SNAPC4: variants seen among roughly 807,000 people sequenced by gnomAD.
The protein encoded by SNAPC4 is snRNA-activating protein complex subunit 4.
In SNAPC4, 127 loss-of-function variants were observed where a neutral mutation model predicts 151.3. That is an observed-to-expected ratio of 0.84 (90% CI 0.73 to 0.97). The LOEUF is 0.97. Ranked by LOEUF, SNAPC4 falls within the 50% of genes least tolerant of loss-of-function variation. The pLI is 0.00. For synonymous variants in SNAPC4, 1,002 were observed against 824.4 expected, an observed-to-expected ratio of 1.22 and a Z score of -3.69; for missense variants, 2,186 against 1,935.0, an observed-to-expected ratio of 1.13 and a Z score of -2.43.
At position 136,387,270 on chromosome 9, in the gene SNAPC4, AG is replaced by A. The variant is rs767643737; in HGVS notation, c.1325+214del. Among the ~76,000 whole-genome samples the A allele has an allele frequency of 2.3e-3, 353 of 152,332 alleles. 2 individuals carry two copies. Among genetic ancestry groups the A allele is most frequent in the Non-Finnish European group, 4.0e-3 (269 of 68,028 alleles). On this transcript the variant is annotated intron_variant, in intron 13 of 23. Coordinates refer to ENST00000684778, the MANE Select transcript of SNAPC4 (RefSeq NM_003086.4). ...GCGTTGCTCCGGCAGACAGCAATAC[AG>A]AAGTCAGGCTTGGAAAACACAGCTC...
At chr9:136,399,308 G>T (rs777258547) in intron 1 of SNAPC4, among the ~76,000 whole-genome samples, 2 of 152,198 alleles carry the variant, frequency 1.3e-5, no homozygotes, top group South Asian at 2.1e-4. Flanking sequence ...ACCGTTAGCC[G>T]CATCAGCAGC....
rs1259297131 is a variant in SNAPC4 at position 136,375,809 on chromosome 9, C to T, written c.*8-9G>A. ...CTGAGAAAGTGCTTGTCCTGGAACA[C>T]AGGAACACCAGGTGGGGGGTGCCCT... On this transcript the variant is annotated splice_polypyrimidine_tract_variant and intron_variant, in intron 23 of 23. Transcript: ENST00000684778. 3.9e-5 allele frequency: 6 copies of T among 151,964 alleles called. No individual in the cohort carries two copies. Among genetic ancestry groups the T allele is most frequent in the African/African-American group, 1.5e-4 (6 of 41,282 alleles). The allele number at this position is 151,964 out of a possible 1,614,324, so 9.4% of individuals were successfully genotyped here.
Position 136,394,273 on chromosome 9 carries a change from C to T in SNAPC4, c.608G>A (p.Arg203Gln), listed in dbSNP as rs148417699. Residue 203 changes from arginine to glutamine, a missense_variant, in exon 7 of 24, where the codon CGA (arginine) becomes CAA (glutamine). Coordinates refer to ENST00000684778, the MANE Select transcript of SNAPC4 (RefSeq NM_003086.4). ...RKSVVSDRLQ[R>Q]LLQPKLLKLE... ...CTTCAGTAACTTGGGCTGAAGCAAT[C>T]GCTGCAGGCGGTCACTCACCACTGA... is the stretch of plus-strand genomic sequence containing the variant. The T allele has an allele frequency of 3.8e-5, 62 of 1,613,846 alleles. No homozygotes were observed. The highest frequency in any genetic ancestry group is 5.2e-5 in the Non-Finnish European group (61 of 1,179,874).
chr9:136,394,471 C>A, intron 6 of SNAPC4, 141 bp from the exon 7 acceptor site: 2 of 748,218 alleles, frequency 2.7e-6, no homozygotes, highest in South Asian at 2.9e-5. Flanking sequence ...TGACGTGGCC[C>A]CTCCACCCAG....
chr9:136,392,864 T>A, intron 7 of SNAPC4, 87 bp from the exon 8 acceptor site: 1 of 1,089,794 alleles, frequency 9.2e-7, no homozygotes, highest in Non-Finnish European at 1.4e-6. Flanking sequence ...GCAAGGAGTG[T>A]GAGCTCAGCA....
At chr9:136,390,554 G>GAAAAAA (rs58732608) in intron 10 of SNAPC4, among the ~76,000 whole-genome samples, 2 of 48,796 alleles carry the variant, frequency 4.1e-5, no homozygotes, top group African/African-American at 8.7e-5. Context: ...GACTCTGTTT[G>GAAAAAA]AAAAAAAAAA....
rs1200705091 is a variant in SNAPC4 at position 136,391,989 on chromosome 9, C to A, written c.928G>T (p.Ala310Ser). Residue 310 changes from alanine to serine, a missense_variant, in exon 10 of 24, where the codon GCT becomes TCT. Coordinates refer to ENST00000684778, the MANE Select transcript of SNAPC4 (RefSeq NM_003086.4). ...TGCCACTCCAGGTGGCCGTGTGCAG[C>A]CGCGATCGCCTGCAGCCGCTCCTCC... Reference protein sequence around the residue: ...EEEERLQAIAAAHGHLEWQKI... With the variant: ...EEEERLQAIASAHGHLEWQKI... The A allele has an allele frequency of 6.2e-7, 1 of 1,608,788 alleles. No individual in the cohort carries two copies. The highest frequency in any genetic ancestry group is 8.5e-7 in the Non-Finnish European group (1 of 1,179,978).
intron 3 of SNAPC4, 71 bp downstream of exon 3, chr9:136,396,906 C>T (rs564971854): frequency 9.7e-6 from 12 of 1,235,404 alleles, no homozygotes; most frequent in Middle Eastern, 1.9e-4. Flanking sequence ...AACCACGCCC[C>T]CTCCCAGGCT....
chr9:136,394,666 G>C, intron 6 of SNAPC4, 134 bp downstream of exon 6: 1 of 764,676 alleles, frequency 1.3e-6, no homozygotes, highest in Non-Finnish European at 2.2e-6. Flanking sequence ...GCCAGTCCCA[G>C]TGGTCAAGGC....
At chr9:136,390,748 A>C (rs1329675976) in intron 10 of SNAPC4, among the ~76,000 whole-genome samples, 1 of 152,016 alleles carries the variant, frequency 6.6e-6, no homozygotes, top group Non-Finnish European at 1.5e-5. Flanking sequence ...AGAAAAAAAG[A>C]AAGCAGACCC....
rs760081934 is a variant in SNAPC4 at position 136,376,423 on chromosome 9, G to A, written c.4343C>T (p.Pro1448Leu). The A allele has an allele frequency of 4.3e-6, 7 of 1,613,564 alleles. No individual in the cohort carries two copies. The Admixed American group carries it at 1.2e-4, about 27-fold the overall frequency. The change falls in exon 23 of 24, where the codon CCT (proline) becomes CTT (leucine). Residue 1448 changes from proline (P) to leucine (L), a missense_variant. Coordinates refer to ENST00000684778, the MANE Select transcript of SNAPC4 (RefSeq NM_003086.4). ...GGTTCTGAGCACGTCCAGGTCGTCA[G>A]GGTCATTAGAAGTATCCAGGCAGGA... ...ASSCLDTSND[P>L]DDLDVLRTRH...
chr9:136,396,992 G>C lies in SNAPC4; in HGVS notation c.162C>G (p.Ala54=). Reference sequence around the variant, plus strand: ...CAACAGTTACCGAGATCGGGGGATCGGCAGGATCCAAGTCCTCAGAAGGCA... The same window carrying C: ...CAACAGTTACCGAGATCGGGGGATCCGCAGGATCCAAGTCCTCAGAAGGCA... ...DSLPSEDLDP[A]DPPISEEERW... is the part of the protein sequence containing the mutation. Residue 54 remains alanine, a synonymous_variant, in exon 3 of 24, where the codon GCC becomes GCG. Coordinates refer to ENST00000684778, the MANE Select transcript of SNAPC4 (RefSeq NM_003086.4). 6.2e-7 allele frequency: 1 copy of C among 1,612,852 alleles called. No individual in the cohort carries two copies. The highest frequency in any genetic ancestry group is 8.5e-7 in the Non-Finnish European group (1 of 1,179,852).
rs1833583216 is a variant in SNAPC4 at position 136,378,971 on chromosome 9, G to A, written c.2856C>T (p.Leu952=). ...CTGCCGCGGGGGCCCCAGGCCCAGAGAGCGGTACATTTAAGACGGTGGGAC... is the reference window on the plus strand; with the variant it reads ...CTGCCGCGGGGGCCCCAGGCCCAGAAAGCGGTACATTTAAGACGGTGGGAC... The part of the protein sequence containing the change: ...APGPTVLNVP[L]SGPGAPAAAK... The change falls in exon 22 of 24, where the codon CTC becomes CTT. Residue 952 remains leucine, a synonymous_variant. Coordinates refer to ENST00000684778, the MANE Select transcript of SNAPC4 (RefSeq NM_003086.4). The A allele has an allele frequency of 1.9e-6, 3 of 1,608,940 alleles. No homozygotes were observed. Among genetic ancestry groups the A allele is most frequent in the Non-Finnish European group, 2.5e-6 (3 of 1,178,706 alleles).
At chr9:136,390,840 ATTT>A (rs1440309507) in intron 10 of SNAPC4, among the ~76,000 whole-genome samples, 1 of 145,472 alleles carries the variant, frequency 6.9e-6, no homozygotes, top group African/African-American at 2.5e-5. Context: ...TTATTTATTT[ATTT>A]TTTTTTTTTT....
At position 136,378,797 on chromosome 9, in the gene SNAPC4, G is replaced by A. The variant is rs925620148; in HGVS notation, c.3030C>T (p.Gly1010=). Residue 1010 remains glycine (G), a synonymous_variant, in exon 22 of 24, where the codon GGC becomes GGT. Coordinates refer to ENST00000684778, the MANE Select transcript of SNAPC4 (RefSeq NM_003086.4). ...APAASQAPAL[G]PGQISVSCPE... The stretch of plus-strand genomic sequence containing the variant: ...GGCAGCTCACAGAGATCTGGCCGGG[G>A]CCCAGGGCAGGGGCTTGGGAAGCAG... 5 of 1,573,788 alleles carry A rather than the reference G, an allele frequency of 3.2e-6. No homozygotes were observed. The highest frequency in any genetic ancestry group is 3.4e-6 in the Non-Finnish European group (4 of 1,159,598).
intron 19 of SNAPC4, 81 bp from the exon 20 acceptor site, chr9:136,380,931 G>C (rs1833667060): frequency 1.2e-6 from 1 of 823,830 alleles, no homozygotes; most frequent in Admixed American, 2.1e-5. Flanking sequence ...CAGAACCTGG[G>C]GCAGCCCTGA....
intron 10 of SNAPC4, 152 bp downstream of exon 10, chr9:136,391,790 C>T (rs1011626851): frequency 4.9e-6 from 4 of 819,724 alleles, no homozygotes; most frequent in Admixed American, 5.7e-5. Flanking sequence ...TGGGCAGGCT[C>T]CTTCCCTAGG....
In SNAPC4 at chr9:136,378,644, C is replaced by T. The variant is rs921232106; in HGVS notation, c.3183G>A (p.Thr1061=). The change falls in exon 22 of 24, where the codon ACG becomes ACA. Residue 1061 remains threonine, a synonymous_variant. Transcript: ENST00000684778. ...TCGCCACATGTGGCCCTCCTATGTG[C>T]GTCAGGCTGAGGGGCTGGACGGGCA... ...TPLPVQPLSL[T]HIGGPHVATS... The T allele has an allele frequency of 7.8e-6, 12 of 1,531,914 alleles. No individual in the cohort carries two copies. The highest frequency in any genetic ancestry group is 4.7e-5 in the East Asian group (2 of 42,474). The allele number at this position is 1,531,914 out of a possible 1,614,324, so 94.9% of individuals were successfully genotyped here. A position where few individuals can be genotyped will look rare whatever the true frequency, so the allele number is the denominator to read the frequency against.
At position 136,395,737 on chromosome 9, in the gene SNAPC4, C is replaced by A. The variant is rs750947704; in HGVS notation, c.211G>T (p.Glu71Ter). The change falls in exon 4 of 24, where the codon GAG becomes TAG. Residue 71 changes from glutamate to a stop codon, truncating the protein, a stop_gained. Coordinates refer to ENST00000684778, the MANE Select transcript of SNAPC4 (RefSeq NM_003086.4). LOFTEE classifies it high-confidence loss of function. ...AGGGTTTTATCCTTGGGATCGTCCT[C>A]GTCATTGCTGGCTTCGCCCCACCTT... ...EERWGEASND[E>*]DDPKDKTLPE... The A allele has an allele frequency of 6.2e-7, 1 of 1,613,248 alleles. No individual in the cohort carries two copies. Among genetic ancestry groups the A allele is most frequent in the Non-Finnish European group, 8.5e-7 (1 of 1,179,840 alleles).
Sources: gnomAD v4.1 joint callset for allele counts (sites outside exome capture counted in the v4.1 genomes callset) on GRCh38, gnomAD v4.1.1 for gene constraint, MANE v1.5 for transcripts, NCBI Gene and HGNC (gene_info 2026-07-23, HGNC 2026-07-21) for gene names.